Variants in SLC2A7 observed in about 807,000 individuals in gnomAD.
SLC2A7 encodes the protein solute carrier family 2 member 7, also known as solute carrier family 2, facilitated glucose transporter member 7.
Under a neutral mutation model 50.5 loss-of-function variants are expected in SLC2A7, and 50 were observed. The ratio of observed to expected loss-of-function variants is 0.99; its 90% CI spans 0.79 to 1.25. The LOEUF (loss-of-function observed/expected upper bound fraction) is 1.25, where lower values mean the gene tolerates loss of function less well. Among genes scored for constraint, SLC2A7 ranks in the 50% most tolerant of loss-of-function variants. The probability of loss-of-function intolerance (pLI) is 0.00; values close to 1 mark genes in which losing one functional copy is unlikely to be tolerated. For missense variants in SLC2A7, 683 were observed against 679.1 expected, an observed-to-expected ratio of 1.01 and a Z score of -0.06; for synonymous variants, 308 against 300.4, an observed-to-expected ratio of 1.03 and a Z score of -0.26.
chr1:8,998,233 G>A (rs1431779265), downstream of SLC2A7, among the ~76,000 whole-genome samples: 2 of 152,044 alleles, frequency 1.3e-5, no homozygotes, highest in Non-Finnish European at 2.9e-5. Context: ...GTGGAACCCT[G>A]TCTCTACTAA....
rs562504768 is a variant in SLC2A7, at chr1:9,018,118, C to A, written c.589+105G>T. 8 of 1,492,506 alleles carry A rather than the reference C, an allele frequency of 5.4e-6. No individual in the cohort carries two copies. The Admixed American group carries it at 1.5e-4, about 28-fold the overall frequency. The allele number at this position is 1,492,506 out of a possible 1,614,324, so 92.5% of individuals were successfully genotyped here. On this transcript the variant is annotated intron_variant, in intron 5 of 11. Coordinates refer to ENST00000400906, the MANE Select transcript of SLC2A7 (RefSeq NM_207420.3). ...GCCCACCACACTGCCCAACACCTGA[C>A]CCTAAAATCATCTCTCGGGTCTCAT...
At chr1:8,997,362 AAATTG>A in the SLC2A7 span, among the ~76,000 whole-genome samples, 4 of 152,170 alleles carry the variant, frequency 2.6e-5, no homozygotes, top group African/African-American at 4.8e-5. Flanking sequence ...CCCATAAAAA[AAATTG>A]AATTGTTTTC....
chr1:9,009,185 T>C (rs1640704370), intron 9 of SLC2A7, among the ~76,000 whole-genome samples: 1 of 152,218 alleles, frequency 6.6e-6, no homozygotes. Context: ...CTTGTACTCA[T>C]GTGCAATTGC....
chr1:9,023,838 CTTTTTTTTTTTTTTTTTTTT>C (rs1162143987), intron 2 of SLC2A7, among the ~76,000 whole-genome samples: 2 of 17,156 alleles, frequency 1.2e-4, no homozygotes, highest in African/African-American at 2.4e-4. Context: ...TATTCTTCTT[CTTTTTTTTTTTTTTTTTTTT>C]TTTTTTTTTT....
chr1:9,020,957 C>T (rs1041906634), intron 3 of SLC2A7, among the ~76,000 whole-genome samples: 15 of 152,140 alleles, frequency 9.9e-5, no homozygotes, highest in African/African-American at 3.4e-4. Context: ...TGTAACTTGC[C>T]CCTCCTTTGC....
chr1:9,007,471 C>T (rs1640672625), intron 9 of SLC2A7, 86 bp from the exon 10 acceptor site: 1 of 1,270,472 alleles, frequency 7.9e-7, no homozygotes, highest in African/African-American at 1.5e-5. Flanking sequence ...CTTCCTGCCC[C>T]AGGGAGGAGC....
rs961989329 is a variant in SLC2A7, at chr1:9,026,279, T to A, written c.51+16A>T. ...TGGGAGAGGGACAGTGACAGGTTCCTAGTCTTGGCACTTACCCCCTCCCTG... is the reference window on the plus strand; with the variant it reads ...TGGGAGAGGGACAGTGACAGGTTCCAAGTCTTGGCACTTACCCCCTCCCTG... On this transcript the variant is annotated intron_variant, in intron 1 of 11. Coordinates refer to ENST00000400906, the MANE Select transcript of SLC2A7 (RefSeq NM_207420.3). The A allele has an allele frequency of 2.8e-5, 45 of 1,608,048 alleles. No homozygotes were observed. In the Admixed American group the frequency reaches 6.9e-4, roughly 25 times the overall value.
intron 8 of SLC2A7, 83 bp downstream of exon 8, chr1:9,013,442 A>C: frequency 1.7e-6 from 2 of 1,189,518 alleles, no homozygotes; most frequent in Admixed American, 2.0e-5. Context: ...ACCAGCACTC[A>C]GTTCACTCTG....
At chr1:9,023,838 CTTTTTTTTTTTTTTTTTTT>C (rs1162143987) in intron 2 of SLC2A7, among the ~76,000 whole-genome samples, 2 of 17,156 alleles carry the variant, frequency 1.2e-4, no homozygotes, top group Middle Eastern at 0.05. Context: ...TATTCTTCTT[CTTTTTTTTTTTTTTTTTTT>C]TTTTTTTTTT....
intron 2 of SLC2A7, among the ~76,000 whole-genome samples, chr1:9,023,543 C>T (rs893331202): frequency 6.6e-6 from 1 of 151,746 alleles, no homozygotes; most frequent in Non-Finnish European, 1.5e-5. Flanking sequence ...GGAGGTGGAG[C>T]TTGCAGTGAG....
intron 10 of SLC2A7, among the ~76,000 whole-genome samples, chr1:9,006,310 C>T (rs1569781888): frequency 6.6e-6 from 1 of 152,308 alleles, no homozygotes; most frequent in South Asian, 2.1e-4. Flanking sequence ...GCCTGGAGTG[C>T]AGTGGTGGAT....
chr1:9,023,776 AT>A (rs1008673967), intron 2 of SLC2A7, among the ~76,000 whole-genome samples: 7 of 122,300 alleles, frequency 5.7e-5, no homozygotes, highest in African/African-American at 1.5e-4. Context: ...GAAAAAAAAA[AT>A]TTTACTTTTG....
In SLC2A7 at chr1:9,024,959, G is replaced by A; in HGVS notation, c.150+17C>T. 1 of 1,613,206 alleles carries A rather than the reference G, an allele frequency of 6.2e-7. No individual in the cohort carries two copies. The highest frequency in any genetic ancestry group is 1.1e-5 in the South Asian group (1 of 91,076). Reference sequence around the variant, plus strand: ...TCAGCTGCTGCCCGGCCCACCTTGTGCCCACCTTGTGCCCACCTTGTGCGG... The same window carrying A: ...TCAGCTGCTGCCCGGCCCACCTTGTACCCACCTTGTGCCCACCTTGTGCGG... On this transcript the variant is annotated intron_variant, in intron 2 of 11. Transcript: ENST00000400906.
In SLC2A7 at chr1:9,019,346, T is replaced by C. The variant is rs755299921; in HGVS notation, c.312-13A>G. ...CAGGGTCCCCTTTCTGCAAAGACAG[T>C]GAGCCCAGAGGGCAGGGGTGCGTGG... On this transcript the variant is annotated splice_polypyrimidine_tract_variant and intron_variant, in intron 3 of 11. Transcript: ENST00000400906. 13 of 1,613,406 alleles carry C rather than the reference T, an allele frequency of 8.1e-6. No homozygotes were observed. The highest frequency in any genetic ancestry group is 1.1e-5 in the Non-Finnish European group (13 of 1,179,688).
In SLC2A7 at chr1:9,010,036, C is replaced by T. The variant is rs1640722398; in HGVS notation, c.1116+107G>A. 1.2e-5 allele frequency: 11 copies of T among 945,992 alleles called. No homozygotes were observed. The South Asian group carries it at 1.5e-4, about 13-fold the overall frequency. The allele number at this position is 945,992 out of a possible 1,614,324, so 58.6% of individuals were successfully genotyped here. The stretch of plus-strand genomic sequence containing the variant: ...CTTTTCCAGGCAGGATGCATGCCAT[C>T]AGTGGGACTCAGAACCAACCACTTG... On this transcript the variant is annotated intron_variant, in intron 9 of 11. Transcript: ENST00000400906.
At chr1:9,007,485 A>G in intron 9 of SLC2A7, 100 bp from the exon 10 acceptor site, 1 of 1,113,266 alleles carries the variant, frequency 9.0e-7, no homozygotes, top group Non-Finnish European at 1.3e-6. Flanking sequence ...GAGGAGCTGC[A>G]CCTAGATGTC....
At chr1:8,994,858 C>T in the SLC2A7 span, among the ~76,000 whole-genome samples, 8 of 151,874 alleles carry the variant, frequency 5.3e-5, no homozygotes, top group African/African-American at 9.7e-5. Flanking sequence ...GCAGCTTCTG[C>T]CTCCTGGGTT....
intron 10 of SLC2A7, 148 bp from the exon 11 acceptor site, chr1:9,005,027 A>C: frequency 1.1e-6 from 1 of 918,360 alleles, no homozygotes; most frequent in Non-Finnish European, 1.6e-6. Context: ...GCCTTTACCC[A>C]CAAAACCAGG....
chr1:9,011,997 G>A (rs371622548), intron 8 of SLC2A7, among the ~76,000 whole-genome samples: 13 of 152,006 alleles, frequency 8.6e-5, no homozygotes, highest in East Asian at 7.7e-4. Context: ...TGATCCGCCC[G>A]CCTCAACCTC....
Sources: gnomAD v4.1 joint callset for allele counts (sites outside exome capture counted in the v4.1 genomes callset) on GRCh38, gnomAD v4.1.1 for gene constraint, MANE v1.5 for transcripts, NCBI Gene and HGNC (gene_info 2026-07-23, HGNC 2026-07-21) for gene names.